SRFBP1: variants seen among roughly 807,000 people sequenced by gnomAD.
SRFBP1 encodes serum response factor binding protein 1, also known as serum response factor-binding protein 1.
A neutral mutation model predicts 45.5 loss-of-function variants in SRFBP1; 47 were observed. The observed-to-expected ratio is 1.03, with a 90% CI of 0.82 to 1.32. The LOEUF (loss-of-function observed/expected upper bound fraction) is 1.32, where lower values mean the gene tolerates loss of function less well. SRFBP1 is among the 40% of genes most tolerant of loss of function. SRFBP1 has a pLI of 0.00. For missense variants in SRFBP1, 621 were observed against 484.6 expected, an observed-to-expected ratio of 1.28 and a Z score of -2.64; for synonymous variants, 203 against 166.3, an observed-to-expected ratio of 1.22 and a Z score of -1.70.
downstream of SRFBP1, among the ~76,000 whole-genome samples, chr5:122,078,778 A>G (rs1488003764): frequency 5.9e-5 from 9 of 152,234 alleles, no homozygotes; most frequent in Admixed American, 5.9e-4. Context: ...AATAAACCCC[A>G]GGATATCAAA....
chr5:122,009,697 C>G (rs1396376391), intron 4 of SRFBP1, among the ~76,000 whole-genome samples: 1 of 152,150 alleles, frequency 6.6e-6, no homozygotes, highest in African/African-American at 2.4e-5. Flanking sequence ...GAGCATGGTC[C>G]TGAAAGGATT....
chr5:122,036,321 C>A (rs1252010134), intron 2 of SRFBP1, among the ~76,000 whole-genome samples: 1 of 152,074 alleles, frequency 6.6e-6, no homozygotes, highest in Non-Finnish European at 1.5e-5. Context: ...TGATTTATAT[C>A]TATGTGACTG....
intron 3 of SRFBP1, among the ~76,000 whole-genome samples, chr5:121,993,881 G>C (rs1371258001): frequency 6.6e-6 from 1 of 151,572 alleles, no homozygotes; most frequent in African/African-American, 2.4e-5. Flanking sequence ...TTCTTTTATT[G>C]ATTAGTTGAT....
At chr5:121,979,659 A>G (rs573583051) in intron 3 of SRFBP1, among the ~76,000 whole-genome samples, 1 of 152,296 alleles carries the variant, frequency 6.6e-6, no homozygotes, top group African/African-American at 2.4e-5. Context: ...TAATAATTGT[A>G]AGGGTGCAAG....
chr5:121,963,384 G>A (rs76157779), intron 1 of SRFBP1, among the ~76,000 whole-genome samples: 6,742 of 152,138 alleles, frequency 0.044, 173 homozygotes, highest in African/African-American at 0.06. Flanking sequence ...GCGTTTGGTG[G>A]GCTATTTTGC....
intron 2 of SRFBP1, among the ~76,000 whole-genome samples, chr5:122,040,327 TATC>T (rs1273238024): frequency 6.6e-6 from 1 of 152,156 alleles, no homozygotes; most frequent in Non-Finnish European, 1.5e-5. Context: ...CTAAGTACGA[TATC>T]ATCCTGCAAA....
intron 2 of SRFBP1, among the ~76,000 whole-genome samples, chr5:122,039,643 T>C (rs568209848): frequency 6.4e-4 from 98 of 152,274 alleles, no homozygotes; most frequent in African/African-American, 2.3e-3. Context: ...ATTTTCAAGA[T>C]AGAGTTTGAA....
chr5:122,062,232 A>C (rs910507031), intron 2 of SRFBP1, among the ~76,000 whole-genome samples: 1 of 151,968 alleles, frequency 6.6e-6, no homozygotes, highest in African/African-American at 2.4e-5. Context: ...TTAGGAAATC[A>C]ATATTGTCCT....
At chr5:121,973,129 C>G (rs186409675) in intron 1 of SRFBP1, among the ~76,000 whole-genome samples, 1 of 151,642 alleles carries the variant, frequency 6.6e-6, no homozygotes, top group East Asian at 1.9e-4. Context: ...GCCAGGCACT[C>G]TTGCAGGGCA....
chr5:122,008,791 T>C lies in SRFBP1; in HGVS notation c.271-10469T>C, dbSNP rs141499785. ...TGTTACACATTTCTTTTAGGGCACA[T>C]ACCTGAAAGTGGAGTTACTTGGTTA... is the stretch of plus-strand genomic sequence containing the variant. On this transcript the variant is annotated intron_variant, in intron 4 of 7. Transcript: ENST00000339397. Among the ~76,000 whole-genome samples, 682 of 152,278 alleles carry C rather than the reference T, an allele frequency of 4.5e-3. 1 individual carries two copies. The highest frequency in any genetic ancestry group is 7.2e-3 in the Non-Finnish European group (493 of 68,026).
rs975740946 is a variant in SRFBP1 at position 122,028,342 on chromosome 5, A to G, written c.*1216A>G. 1 of 152,244 alleles carries G rather than the reference A, an allele frequency of 6.6e-6. No homozygotes were observed. The highest frequency in any genetic ancestry group is 2.4e-5 in the African/African-American group (1 of 41,450). 9.4% of individuals were successfully genotyped at this position (152,244 alleles called of 1,614,324 possible). On this transcript the variant is annotated 3_prime_UTR_variant, in exon 8 of 8. Transcript: ENST00000339397. ...ATAACTCAGCCGGGCGTGGTGACTCATGCCTATAATCCCAGCACTTTGGGA... is the reference window on the plus strand; with the variant it reads ...ATAACTCAGCCGGGCGTGGTGACTCGTGCCTATAATCCCAGCACTTTGGGA...
At chr5:121,979,244 C>G (rs1022263615) in intron 3 of SRFBP1, among the ~76,000 whole-genome samples, 1 of 152,146 alleles carries the variant, frequency 6.6e-6, no homozygotes, top group Non-Finnish European at 1.5e-5. Flanking sequence ...GTATTCTAGG[C>G]TGTGTATACC....
chr5:121,985,189 A>G (rs370964920), intron 3 of SRFBP1, among the ~76,000 whole-genome samples: 1 of 151,968 alleles, frequency 6.6e-6, no homozygotes, highest in East Asian at 1.9e-4. Context: ...GGCACATTGG[A>G]GGAGGGACAC....
downstream of SRFBP1, chr5:122,077,605 A>G: frequency 6.2e-7 from 1 of 1,612,408 alleles, no homozygotes; most frequent in Admixed American, 1.7e-5. The surrounding 1 kb of genome is among the most constrained non-coding windows in gnomAD (Gnocchi z 4.9). Flanking sequence ...TCGAGTAGCC[A>G]GCTTGGAACC....
chr5:122,018,450 T>A (rs926298179), intron 4 of SRFBP1, among the ~76,000 whole-genome samples: 2 of 152,122 alleles, frequency 1.3e-5, no homozygotes, highest in African/African-American at 2.4e-5. Flanking sequence ...AGACAAATAG[T>A]GGGAAAGAAT....
intron 3 of SRFBP1, among the ~76,000 whole-genome samples, chr5:121,989,256 C>T (rs1015626003): frequency 6.6e-6 from 1 of 151,934 alleles, no homozygotes; most frequent in Non-Finnish European, 1.5e-5. Flanking sequence ...TTAGTAGAGA[C>T]GGGGTTTCAC....
intron 6 of SRFBP1, among the ~76,000 whole-genome samples, chr5:122,021,700 G>A (rs181602447): frequency 0.011 from 1,279 of 118,426 alleles, 7 homozygotes; most frequent in Non-Finnish European, 0.016. Flanking sequence ...TTTTTGAGAC[G>A]GAGTCTCACT....
chr5:122,023,496 A>G (rs780698277), intron 7 of SRFBP1, among the ~76,000 whole-genome samples: 2 of 152,222 alleles, frequency 1.3e-5, no homozygotes, highest in African/African-American at 4.8e-5. Context: ...AGTAATGACA[A>G]TAAAAACTCT....
At chr5:122,013,666 CATA>C (rs1753139522) in intron 4 of SRFBP1, among the ~76,000 whole-genome samples, 1 of 152,016 alleles carries the variant, frequency 6.6e-6, no homozygotes, top group African/African-American at 2.4e-5. Flanking sequence ...GGTTTAGTAA[CATA>C]ATGAATAAAA....
Sources: gnomAD v4.1 joint callset for allele counts (sites outside exome capture counted in the v4.1 genomes callset) on GRCh38, gnomAD v4.1.1 for gene constraint, Gnocchi (gnomAD v3.1) non-coding constraint, MANE v1.5 for transcripts, NCBI Gene and HGNC (gene_info 2026-07-23, HGNC 2026-07-21) for gene names.